The following GRM5 variants were observed in gnomAD, a reference collection of about 807,000 sequenced individuals.
GRM5 encodes metabotropic glutamate receptor 5.
In GRM5, 19 loss-of-function variants were observed where a neutral mutation model predicts 83.1. The ratio of observed to expected loss-of-function variants is 0.23; its 90% CI spans 0.16 to 0.34. The LOEUF (loss-of-function observed/expected upper bound fraction) is 0.34. Among genes scored for constraint, GRM5 ranks in the 10% least tolerant of loss-of-function variants. GRM5 has a pLI of 1.00. For synonymous variants in GRM5, 675 were observed against 633.6 expected, an observed-to-expected ratio of 1.07 and a Z score of -0.98; for missense variants, 1,160 against 1,588.3, an observed-to-expected ratio of 0.73 and a Z score of 4.58.
intron 3 of GRM5, among the ~76,000 whole-genome samples, chr11:88,722,905 G>A (rs1941581292): frequency 6.6e-6 from 1 of 151,968 alleles, no homozygotes; most frequent in Non-Finnish European, 1.5e-5. Context: ...GGTTCACTCT[G>A]TGTTGTACAT....
chr11:88,841,023 T>G (rs2135530467), intron 3 of GRM5, among the ~76,000 whole-genome samples: 1 of 152,270 alleles, frequency 6.6e-6, no homozygotes, highest in Admixed American at 6.5e-5. Flanking sequence ...CCTTCAATGC[T>G]AGAAGATTAG....
intron 2 of GRM5, among the ~76,000 whole-genome samples, chr11:89,042,374 C>A (rs1272355886): frequency 6.6e-6 from 1 of 152,152 alleles, no homozygotes; most frequent in Non-Finnish European, 1.5e-5. Flanking sequence ...GGACAGAAAT[C>A]TTGAGTTCCA....
chr11:88,966,824 C>A (rs1337203317), intron 2 of GRM5, among the ~76,000 whole-genome samples: 1 of 152,178 alleles, frequency 6.6e-6, no homozygotes, highest in Admixed American at 6.5e-5. Context: ...CTGACCAAGG[C>A]GCATACTATG....
At chr11:88,655,671 G>GT (rs34122425) in intron 3 of GRM5, among the ~76,000 whole-genome samples, 4,942 of 134,904 alleles carry the variant, frequency 0.037, 116 homozygotes, top group East Asian at 0.13. Context: ...TACTTTCTCT[G>GT]TTTTTTTTTT....
At chr11:88,811,505 T>C (rs1943588332) in intron 3 of GRM5, among the ~76,000 whole-genome samples, 1 of 152,088 alleles carries the variant, frequency 6.6e-6, no homozygotes, top group Admixed American at 6.6e-5. Flanking sequence ...GAAGAAAATA[T>C]TCCAGCAGGT....
chr11:88,544,482 C>T (rs1460425215), intron 8 of GRM5, among the ~76,000 whole-genome samples: 1 of 152,176 alleles, frequency 6.6e-6, no homozygotes, highest in Non-Finnish European at 1.5e-5. Flanking sequence ...GTGTGCATTG[C>T]CTCCTTGTGT....
intron 2 of GRM5, among the ~76,000 whole-genome samples, chr11:89,045,691 A>T (rs1485484905): frequency 1.3e-5 from 2 of 152,162 alleles, no homozygotes; most frequent in Non-Finnish European, 2.9e-5. Flanking sequence ...GGCACAATTG[A>T]ATTAGCACTT....
At chr11:88,892,187 A>G (rs1244532042) in intron 2 of GRM5, among the ~76,000 whole-genome samples, 2 of 148,384 alleles carry the variant, frequency 1.3e-5, no homozygotes, top group Non-Finnish European at 3.0e-5. Flanking sequence ...ATAAGACACA[A>G]TTAGAAAAAC....
chr11:88,644,798 A>C (rs1221532314), intron 4 of GRM5, among the ~76,000 whole-genome samples: 2 of 152,100 alleles, frequency 1.3e-5, no homozygotes, highest in Non-Finnish European at 2.9e-5. Context: ...AGAGGAGGGA[A>C]AGATTACAGA....
At chr11:88,919,063 T>G (rs544664025) in intron 2 of GRM5, among the ~76,000 whole-genome samples, 1 of 149,074 alleles carries the variant, frequency 6.7e-6, no homozygotes, top group Admixed American at 6.7e-5. Context: ...TAACATTAAA[T>G]ATAATAGGCT....
intron 2 of GRM5, among the ~76,000 whole-genome samples, chr11:88,853,713 AT>A (rs34100460): frequency 0.39 from 58,205 of 150,208 alleles, 11,343 homozygotes; most frequent in East Asian, 0.49. Flanking sequence ...TAATAAAAAA[AT>A]AAACTAGCAT....
At chr11:88,537,646 T>A (rs996829189) in intron 8 of GRM5, among the ~76,000 whole-genome samples, 1 of 152,262 alleles carries the variant, frequency 6.6e-6, no homozygotes, top group African/African-American at 2.4e-5. Context: ...TGCAAGGTAA[T>A]TCCTTTCTTC....
At chr11:88,535,776 G>A (rs1397510380) in intron 8 of GRM5, among the ~76,000 whole-genome samples, 3 of 152,086 alleles carry the variant, frequency 2.0e-5, no homozygotes, top group Non-Finnish European at 2.9e-5. Context: ...GTGTACACAT[G>A]TGTGTGAGTG....
At chr11:88,553,398 C>T (rs926690299) in intron 8 of GRM5, among the ~76,000 whole-genome samples, 22 of 152,130 alleles carry the variant, frequency 1.4e-4, no homozygotes, top group Non-Finnish European at 1.5e-5. Flanking sequence ...ACTCAGAGTT[C>T]CTGTTCCCCC....
chr11:88,521,916 C>T (rs16914137), intron 9 of GRM5, among the ~76,000 whole-genome samples: 21,027 of 152,198 alleles, frequency 0.14, 1,603 homozygotes, highest in Non-Finnish European at 0.16. Flanking sequence ...ACTGTAAACA[C>T]TGTGAAATGC....
chr11:88,790,372 G>T (rs1293133273), intron 3 of GRM5, among the ~76,000 whole-genome samples: 1 of 151,942 alleles, frequency 6.6e-6, no homozygotes, highest in Non-Finnish European at 1.5e-5. Context: ...ATTCTGTCTT[G>T]CTTGTATTTG....
intron 3 of GRM5, among the ~76,000 whole-genome samples, chr11:88,690,551 A>T (rs563917578): frequency 3.9e-5 from 6 of 152,310 alleles, no homozygotes; most frequent in African/African-American, 1.4e-4. Flanking sequence ...CTAATTCCTA[A>T]GGATCATCAT....
At chr11:88,532,414 A>G (rs557459841) in intron 8 of GRM5, among the ~76,000 whole-genome samples, 13 of 152,316 alleles carry the variant, frequency 8.5e-5, no homozygotes, top group African/African-American at 2.9e-4. Flanking sequence ...CATTTGAACT[A>G]TAGTCATATG....
At chr11:88,613,620 C>T (rs1938387754) in intron 4 of GRM5, among the ~76,000 whole-genome samples, 1 of 152,106 alleles carries the variant, frequency 6.6e-6, no homozygotes, top group Non-Finnish European at 1.5e-5. Context: ...ACAGTTGGGT[C>T]TTGCTTCTTT....
Sources: allele counts gnomAD v4.1 joint callset (sites outside exome capture counted in the v4.1 genomes callset), GRCh38; gene constraint gnomAD v4.1.1; transcripts MANE v1.5; gene names NCBI Gene and HGNC (gene_info 2026-07-23, HGNC 2026-07-21).